ELMO1: variants seen among roughly 807,000 people sequenced by gnomAD.
ELMO1 encodes engulfment and cell motility 1.
ELMO1 carries 26 observed loss-of-function variants against 98.9 expected under a neutral mutation model. The ratio of observed to expected loss-of-function variants is 0.26; its 90% CI spans 0.19 to 0.36. ELMO1 has a LOEUF of 0.36. Ranked by LOEUF, ELMO1 falls within the 10% of genes least tolerant of loss-of-function variation. The pLI, the probability that ELMO1 is intolerant of heterozygous loss-of-function variation, is 1.00. For missense variants in ELMO1, 627 were observed against 935.2 expected (o/e 0.67, Z 4.30); for synonymous variants, 346 against 346.0 (o/e 1.00, Z 0.00).
chr7:37,196,201 A>G (rs1436312152), intron 13 of ELMO1, among the ~76,000 whole-genome samples: 7 of 152,338 alleles, frequency 4.6e-5, no homozygotes, highest in Middle Eastern at 3.4e-3. Context: ...AGAGCGACTG[A>G]GACCTTGTAG....
intron 4 of ELMO1, among the ~76,000 whole-genome samples, chr7:37,281,727 C>T (rs1046928964): frequency 6.6e-6 from 1 of 152,210 alleles, no homozygotes; most frequent in African/African-American, 2.4e-5. Context: ...TAAGACTACA[C>T]ATGACATTTG....
chr7:37,191,049 T>C lies in ELMO1; in HGVS notation c.1086+20337A>G, dbSNP rs1467890072. On this transcript the variant is annotated intron_variant, in intron 13 of 21. Transcript: ENST00000310758. ...CTAAAAATACAAAAAATTAGCCGGG[T>C]GTGGTGGTGGGCGCCTGTGGTCCCA... Among the ~76,000 whole-genome samples the C allele has an allele frequency of 3.4e-5, 5 of 149,232 alleles. No homozygotes were observed. In the East Asian group the frequency reaches 9.9e-4, roughly 29 times the overall value.
intron 13 of ELMO1, among the ~76,000 whole-genome samples, chr7:37,202,452 G>A (rs766812265): frequency 1.3e-5 from 2 of 152,196 alleles, no homozygotes; most frequent in Non-Finnish European, 2.9e-5. Flanking sequence ...GAAAGCCTAT[G>A]ATAAAATCAC....
chr7:37,085,825 A>G (rs1213446443), intron 15 of ELMO1, among the ~76,000 whole-genome samples: 1 of 152,160 alleles, frequency 6.6e-6, no homozygotes, highest in Non-Finnish European at 1.5e-5. Context: ...ATTGATTGGA[A>G]TCCTGTTATA....
rs113325835 is a variant in ELMO1 at position 37,133,122 on chromosome 7, T to A, written c.1191+8A>T. 2.0e-3 allele frequency: 3,152 copies of A among 1,602,692 alleles called. 52 individuals carry two copies. In the African/African-American group the frequency reaches 0.037, roughly 19 times the overall value. On this transcript the variant is annotated splice_region_variant and intron_variant, in intron 14 of 21. Transcript: ENST00000310758. ...CACACAATATCTGAAAAGGGGCTTC[T>A]TGCTTACCCGGATGTAGGCATCTTG...
chr7:37,227,278 T>A (rs1793922355), intron 8 of ELMO1, among the ~76,000 whole-genome samples: 1 of 152,228 alleles, frequency 6.6e-6, no homozygotes. Flanking sequence ...AAGTTTTCCA[T>A]CAAATGGAAA....
intron 16 of ELMO1, among the ~76,000 whole-genome samples, chr7:36,953,819 G>A (rs1367804216): frequency 4.8e-5 from 7 of 146,832 alleles, no homozygotes; most frequent in Non-Finnish European, 4.5e-5. Flanking sequence ...TCCAGTTCTG[G>A]TACAGTGTAT....
intron 7 of ELMO1, among the ~76,000 whole-genome samples, chr7:37,240,679 T>TGG (rs1794722777): frequency 1.3e-5 from 2 of 152,228 alleles, no homozygotes; most frequent in African/African-American, 4.8e-5. Context: ...TGTATTTTCA[T>TGG]TACCATTCAG....
At chr7:37,228,882 C>T (rs578212760) in intron 8 of ELMO1, among the ~76,000 whole-genome samples, 3 of 152,192 alleles carry the variant, frequency 2.0e-5, no homozygotes, top group African/African-American at 7.2e-5. Flanking sequence ...GTCCCAGCTA[C>T]TTGGGAGGCT....
At chr7:37,192,990 T>A (rs866961847) in intron 13 of ELMO1, among the ~76,000 whole-genome samples, 1 of 68,602 alleles carries the variant, frequency 1.5e-5, no homozygotes, top group African/African-American at 5.2e-5. Context: ...TATATATATA[T>A]ATATATATAT....
chr7:37,141,533 T>C (rs914561488), intron 13 of ELMO1, among the ~76,000 whole-genome samples: 4 of 150,264 alleles, frequency 2.7e-5, no homozygotes, highest in African/African-American at 9.7e-5. Context: ...CAAAAAAAAC[T>C]GAAAATAAGA....
intron 1 of ELMO1, among the ~76,000 whole-genome samples, chr7:37,426,424 G>A (rs980732315): frequency 6.6e-6 from 1 of 151,744 alleles, no homozygotes; most frequent in African/African-American, 2.4e-5. Flanking sequence ...CAAAGTGCTG[G>A]GTTACAGGTG....
At position 37,342,917 on chromosome 7, in the gene ELMO1, G is replaced by T; in HGVS notation, c.-73-154C>A. ...TGAAGGTGCAGGGGCACAGCCAACG[G>T]TACAATGGGCTCCTGAGGAAAGAAG... is the stretch of plus-strand genomic sequence containing the variant. On this transcript the variant is annotated intron_variant, in intron 1 of 21. Coordinates refer to ENST00000310758, the MANE Select transcript of ELMO1 (RefSeq NM_014800.11). This position sits in a 1 kb window ranked among gnomAD's most constrained non-coding sequence, Gnocchi z 4.3. 2.1e-6 allele frequency: 1 copy of T among 467,808 alleles called. No homozygotes were observed. The highest frequency in any genetic ancestry group is 3.8e-6 in the Non-Finnish European group (1 of 264,230). 29.0% of individuals were successfully genotyped at this position (467,808 alleles called of 1,614,324 possible).
intron 1 of ELMO1, among the ~76,000 whole-genome samples, chr7:37,392,001 T>G (rs896296141): frequency 1.2e-4 from 19 of 152,108 alleles, no homozygotes; most frequent in African/African-American, 4.6e-4. Context: ...CACCCAGAAA[T>G]TGAAGAACTT....
chr7:37,028,036 C>CT (rs34796028), intron 15 of ELMO1, among the ~76,000 whole-genome samples: 121 of 146,416 alleles, frequency 8.3e-4, no homozygotes, highest in South Asian at 2.6e-3. Flanking sequence ...CGAGAACTGT[C>CT]TTTTTTTTTT....
intron 1 of ELMO1, among the ~76,000 whole-genome samples, chr7:37,444,793 C>T (rs1192773164): frequency 1.3e-5 from 2 of 152,330 alleles, no homozygotes; most frequent in African/African-American, 2.4e-5. Context: ...GGATTAGAGG[C>T]GTGAGCCACC....
chr7:37,135,924 T>C (rs1169191229), intron 13 of ELMO1, among the ~76,000 whole-genome samples: 1 of 152,214 alleles, frequency 6.6e-6, no homozygotes, highest in Non-Finnish European at 1.5e-5. Flanking sequence ...ATTATTAAGT[T>C]ACTCAAGGAG....
intron 7 of ELMO1, among the ~76,000 whole-genome samples, chr7:37,237,163 C>A (rs1420177587): frequency 6.6e-6 from 1 of 152,164 alleles, no homozygotes; most frequent in Admixed American, 6.5e-5. Context: ...TAGTAGACAC[C>A]ATCTTCATTC....
At chr7:37,191,841 C>A (rs1236739362) in intron 13 of ELMO1, among the ~76,000 whole-genome samples, 3 of 152,096 alleles carry the variant, frequency 2.0e-5, no homozygotes, top group Non-Finnish European at 4.4e-5. Flanking sequence ...TTCCATGAAC[C>A]CGGGAGAAGG....
Sources: allele counts gnomAD v4.1 joint callset (sites outside exome capture counted in the v4.1 genomes callset), GRCh38; gene constraint gnomAD v4.1.1; non-coding constraint Gnocchi (gnomAD v3.1); transcripts MANE v1.5; gene names NCBI Gene and HGNC (gene_info 2026-07-23, HGNC 2026-07-21).